Variants in PPP2R2B observed in about 807,000 individuals in gnomAD.
The protein encoded by PPP2R2B is serine/threonine-protein phosphatase 2A 55 kDa regulatory subunit B beta isoform.
PPP2R2B carries 5 observed loss-of-function variants against 46.0 expected under a neutral mutation model. That is an observed-to-expected ratio of 0.11 (90% confidence interval 0.06 to 0.23). The LOEUF is 0.23. Among genes scored for constraint, PPP2R2B ranks in the 10% least tolerant of loss-of-function variants. The pLI is 1.00. For missense variants in PPP2R2B, 367 were observed against 575.0 expected, an observed-to-expected ratio of 0.64 and a Z score of 3.70; for synonymous variants, 215 against 206.7, an observed-to-expected ratio of 1.04 and a Z score of -0.34.
chr5:147,057,128 A>G (rs1447815812), upstream of PPP2R2B, among the ~76,000 whole-genome samples: 1 of 152,224 alleles, frequency 6.6e-6, no homozygotes, highest in African/African-American at 2.4e-5. Flanking sequence ...GGGAAAAAAC[A>G]AAGTCATTAG....
At chr5:147,041,052 G>T (rs188516066) in intron 1 of PPP2R2B, among the ~76,000 whole-genome samples, 1 of 152,238 alleles carries the variant, frequency 6.6e-6, no homozygotes, top group East Asian at 1.9e-4. Context: ...AAACCACTTT[G>T]CATGTAAGTA....
At chr5:146,676,551 T>C (rs940190144) in intron 5 of PPP2R2B, among the ~76,000 whole-genome samples, 2 of 152,182 alleles carry the variant, frequency 1.3e-5, no homozygotes, top group Non-Finnish European at 2.9e-5. Flanking sequence ...GGTTTAAATA[T>C]TAATTGCTCA....
At chr5:146,606,351 C>A (rs1772269165) in intron 7 of PPP2R2B, among the ~76,000 whole-genome samples, 1 of 152,214 alleles carries the variant, frequency 6.6e-6, no homozygotes, top group African/African-American at 2.4e-5. Context: ...AAGGCCTGTT[C>A]ACTCTGTCTT....
chr5:146,980,493 G>A (rs1307116801), intron 1 of PPP2R2B, among the ~76,000 whole-genome samples: 1 of 152,128 alleles, frequency 6.6e-6, no homozygotes, highest in Non-Finnish European at 1.5e-5. Context: ...ATTAGGAACA[G>A]AGCTGGAAGA....
intron 2 of PPP2R2B, among the ~76,000 whole-genome samples, chr5:146,873,409 C>T (rs1397139476): frequency 6.6e-6 from 1 of 152,166 alleles, no homozygotes; most frequent in East Asian, 1.9e-4. Context: ...CAAATCTGAT[C>T]ATGTTTCCCT....
chr5:146,917,301 T>C (rs1763425386), intron 1 of PPP2R2B, among the ~76,000 whole-genome samples: 1 of 152,184 alleles, frequency 6.6e-6, no homozygotes. Context: ...AGGCACACAG[T>C]GGGTGCTCAA....
At chr5:146,899,015 CACTGTTGGTGGGACTGTAA>C (rs1762737093) in intron 1 of PPP2R2B, among the ~76,000 whole-genome samples, 1 of 151,302 alleles carries the variant, frequency 6.6e-6, no homozygotes, top group Non-Finnish European at 1.5e-5. Flanking sequence ...GAACATTTTA[CACTGTTGGTGGGACTGTAA>C]ACTAGTTCAA....
At chr5:147,010,284 A>G (rs545482666) in intron 1 of PPP2R2B, among the ~76,000 whole-genome samples, 70 of 152,094 alleles carry the variant, frequency 4.6e-4, no homozygotes, top group Non-Finnish European at 8.5e-4. Flanking sequence ...GTGGAAGACA[A>G]TTTTTCCACA....
intron 1 of PPP2R2B, among the ~76,000 whole-genome samples, chr5:146,885,904 T>C (rs187801590): frequency 2.4e-4 from 37 of 152,114 alleles, no homozygotes; most frequent in Non-Finnish European, 4.6e-4. Flanking sequence ...TCCATTTATG[T>C]GAAACGTTCA....
chr5:146,645,663 G>A (rs1400166069), intron 6 of PPP2R2B, among the ~76,000 whole-genome samples: 2 of 152,138 alleles, frequency 1.3e-5, no homozygotes, highest in African/African-American at 2.4e-5. Context: ...ACTCTAACAG[G>A]GCTTCAGCTT....
intron 1 of PPP2R2B, among the ~76,000 whole-genome samples, chr5:146,926,671 T>C (rs1397074581): frequency 2.0e-5 from 3 of 152,214 alleles, no homozygotes; most frequent in Admixed American, 6.5e-5. Flanking sequence ...TTGCCCTTTT[T>C]CACCTATTTT....
chr5:146,730,456 G>A (rs11958151), intron 2 of PPP2R2B, among the ~76,000 whole-genome samples: 3,785 of 152,164 alleles, frequency 0.025, 146 homozygotes, highest in African/African-American at 0.083. Context: ...ATGTGGAGAC[G>A]TGAAATTTGG....
chr5:147,046,030 G>A (rs76630421), intron 1 of PPP2R2B, among the ~76,000 whole-genome samples: 1 of 152,150 alleles, frequency 6.6e-6, no homozygotes, highest in African/African-American at 2.4e-5. Context: ...CCTCTCCACT[G>A]CTGCATTTGT....
chr5:146,616,108 A>C (rs1169367972), intron 7 of PPP2R2B, among the ~76,000 whole-genome samples: 1 of 152,186 alleles, frequency 6.6e-6, no homozygotes, highest in Non-Finnish European at 1.5e-5. Flanking sequence ...ATTTTCAACA[A>C]AGGTGCCAAG....
chr5:146,636,818 C>T (rs1292323058), intron 7 of PPP2R2B, among the ~76,000 whole-genome samples: 1 of 152,210 alleles, frequency 6.6e-6, no homozygotes, highest in Non-Finnish European at 1.5e-5. Context: ...TCCCCCAAGC[C>T]TGACACTTTT....
intron 2 of PPP2R2B, among the ~76,000 whole-genome samples, chr5:146,842,121 G>A (rs1329538412): frequency 6.6e-6 from 1 of 152,044 alleles, no homozygotes; most frequent in Non-Finnish European, 1.5e-5. Context: ...TCCCCTTAAA[G>A]TACTGCACAT....
intron 2 of PPP2R2B, among the ~76,000 whole-genome samples, chr5:146,836,749 T>C (rs539831531): frequency 1.3e-5 from 2 of 152,282 alleles, no homozygotes; most frequent in African/African-American, 4.8e-5. Context: ...ACAGATGTAG[T>C]CTTAGGACAT....
At chr5:146,887,182 A>G (rs1343179594) in intron 1 of PPP2R2B, among the ~76,000 whole-genome samples, 1 of 152,156 alleles carries the variant, frequency 6.6e-6, no homozygotes, top group Non-Finnish European at 1.5e-5. Flanking sequence ...ATTACTAATG[A>G]CATATCTAAA....
intron 2 of PPP2R2B, among the ~76,000 whole-genome samples, chr5:146,792,957 G>A (rs1039038194): frequency 6.6e-6 from 1 of 152,130 alleles, no homozygotes; most frequent in Non-Finnish European, 1.5e-5. Context: ...TTTTTTATAG[G>A]AATCAATATG....
Sources: gnomAD v4.1 joint callset for allele counts (sites outside exome capture counted in the v4.1 genomes callset) on GRCh38, gnomAD v4.1.1 for gene constraint, MANE v1.5 for transcripts, NCBI Gene and HGNC (gene_info 2026-07-23, HGNC 2026-07-21) for gene names.